Variants in MRPL48 observed in about 807,000 individuals in gnomAD.
MRPL48 encodes mitochondrial ribosomal protein L48.
Under a neutral mutation model 32.9 loss-of-function variants are expected in MRPL48, and 16 were observed. The ratio of observed to expected loss-of-function variants is 0.49; its 90% CI spans 0.33 to 0.74. MRPL48 has a LOEUF of 0.74. Among genes scored for constraint, MRPL48 ranks in the 30% least tolerant of loss-of-function variants. MRPL48 has a pLI of 0.02. For missense variants in MRPL48, 206 were observed against 245.3 expected, an observed-to-expected ratio of 0.84 and a Z score of 1.07; for synonymous variants, 94 against 89.2, an observed-to-expected ratio of 1.05 and a Z score of -0.31.
intron 3 of MRPL48, among the ~76,000 whole-genome samples, chr11:73,810,626 G>GGT (rs1164003720): frequency 1.1e-4 from 17 of 149,744 alleles, no homozygotes; most frequent in African/African-American, 4.0e-4. Flanking sequence ...TTGTTACATA[G>GGT]ATACACGTGC....
intron 3 of MRPL48, among the ~76,000 whole-genome samples, chr11:73,812,320 G>A (rs576524608): frequency 6.6e-6 from 1 of 152,116 alleles, no homozygotes; most frequent in Admixed American, 6.6e-5. Context: ...GGACATTTAG[G>A]TCGTTTTTAG....
chr11:73,817,932 G>A, intron 3 of MRPL48: 1 of 222,130 alleles, frequency 4.5e-6, no homozygotes, highest in South Asian at 5.1e-5. Context: ...AGCCTCTGGA[G>A]TAGCTGGGAT....
At position 73,822,609 on chromosome 11, in the gene MRPL48, A is replaced by G. The variant is rs779530253; in HGVS notation, c.113-3099A>G. Among the ~76,000 whole-genome samples, 5 of 152,316 alleles carry G rather than the reference A, an allele frequency of 3.3e-5. No homozygotes were observed. The Middle Eastern group carries it at 0.01, about 311-fold the overall frequency. ...GGAGAAGTTCTCTGAAGCCAGTACT[A>G]TCTCTGATAGGCCTCACACAGAGCA... On this transcript the variant is annotated intron_variant, in intron 3 of 7. Transcript: ENST00000310614.
chr11:73,815,019 TA>T (rs1488535254), intron 3 of MRPL48, among the ~76,000 whole-genome samples: 10 of 151,414 alleles, frequency 6.6e-5, no homozygotes, highest in African/African-American at 1.9e-4. Flanking sequence ...AATAAATAAA[TA>T]AAACAAAAAA....
At chr11:73,835,551 A>G (rs913636345) in intron 4 of MRPL48, among the ~76,000 whole-genome samples, 5 of 152,226 alleles carry the variant, frequency 3.3e-5, no homozygotes, top group African/African-American at 1.2e-4. Context: ...TATCTCCAAT[A>G]TATAGTAGTA....
intron 1 of MRPL48, among the ~76,000 whole-genome samples, chr11:73,789,687 A>T (rs1243248898): frequency 6.6e-6 from 1 of 152,222 alleles, no homozygotes; most frequent in East Asian, 1.9e-4. Context: ...AAACAGGAAT[A>T]TTTTGTAAGG....
intron 1 of MRPL48, among the ~76,000 whole-genome samples, chr11:73,788,480 T>C (rs1242580003): frequency 4.8e-5 from 7 of 146,518 alleles, no homozygotes; most frequent in East Asian, 3.9e-4. Context: ...TTCTTTTTTT[T>C]TTTTTTTTTT....
chr11:73,860,184 C>T (rs1385930913), intron 6 of MRPL48, 175 bp downstream of exon 6: 3 of 542,020 alleles, frequency 5.5e-6, no homozygotes, highest in Non-Finnish European at 6.6e-6. Flanking sequence ...TATGCAGTCT[C>T]ATTCATTCCT....
Position 73,864,285 on chromosome 11 carries a change from C to T in MRPL48, c.565-11C>T. 2 of 1,612,438 alleles carry T rather than the reference C, an allele frequency of 1.2e-6. No individual in the cohort carries two copies. Among genetic ancestry groups the T allele is most frequent in the Middle Eastern group, 1.6e-4 (1 of 6,062 alleles). On this transcript the variant is annotated splice_polypyrimidine_tract_variant and intron_variant, in intron 7 of 7. Transcript: ENST00000310614. ...AGTAATTACCGCTTATTTTCTTTTTCTTCTCCTTAGCACACTGAAGAAGAC... is the reference window on the plus strand; with the variant it reads ...AGTAATTACCGCTTATTTTCTTTTTTTTCTCCTTAGCACACTGAAGAAGAC...
chr11:73,818,640 G>A (rs1947717731), intron 3 of MRPL48, among the ~76,000 whole-genome samples: 1 of 152,260 alleles, frequency 6.6e-6, no homozygotes, highest in Non-Finnish European at 1.5e-5. Flanking sequence ...CTTACAGTCT[G>A]TTGAGTGGAG....
intron 4 of MRPL48, among the ~76,000 whole-genome samples, chr11:73,832,078 T>G (rs1221579616): frequency 6.6e-6 from 1 of 152,156 alleles, no homozygotes; most frequent in Non-Finnish European, 1.5e-5. Flanking sequence ...AATGGCAGCT[T>G]AATAATCTGA....
chr11:73,863,095 G>T, intron 6 of MRPL48, 77 bp from the exon 7 acceptor site: 1 of 1,287,408 alleles, frequency 7.8e-7, no homozygotes, highest in South Asian at 1.3e-5. Context: ...GCTGGCATTT[G>T]AACCCATACC....
intron 5 of MRPL48, among the ~76,000 whole-genome samples, chr11:73,854,638 T>A (rs888442556): frequency 1.3e-5 from 2 of 152,310 alleles, no homozygotes; most frequent in African/African-American, 4.8e-5. Flanking sequence ...TTATTTTACA[T>A]CTGGCTAAGT....
chr11:73,823,738 A>G lies in MRPL48; in HGVS notation c.113-1970A>G, dbSNP rs1192263110. On this transcript the variant is annotated intron_variant, in intron 3 of 7. Transcript: ENST00000310614. Reference sequence around the variant, plus strand: ...AAGTGCAGCAGCTATTTGCACTACAACCTCAAACTCCTAGTCTCAAGCAAT... The same window carrying G: ...AAGTGCAGCAGCTATTTGCACTACAGCCTCAAACTCCTAGTCTCAAGCAAT... 2.0e-5 allele frequency among the ~76,000 whole-genome samples: 3 copies of G among 149,982 alleles called. No homozygotes were observed. The Admixed American group carries it at 2.0e-4, about 10-fold the overall frequency.
intron 1 of MRPL48, chr11:73,802,011 G>C (rs775063423): frequency 2.0e-5 from 3 of 152,160 alleles, no homozygotes; most frequent in Non-Finnish European, 4.4e-5. Flanking sequence ...GTGATGATAA[G>C]AGTTTTGGTG....
At chr11:73,861,423 G>A (rs1948582459) in intron 6 of MRPL48, among the ~76,000 whole-genome samples, 1 of 152,146 alleles carries the variant, frequency 6.6e-6, no homozygotes, top group Admixed American at 6.6e-5. Flanking sequence ...AGGCTGGAAG[G>A]CAATGGTGCG....
chr11:73,830,518 G>T (rs146024541), intron 4 of MRPL48, among the ~76,000 whole-genome samples: 13 of 152,212 alleles, frequency 8.5e-5, no homozygotes, highest in Admixed American at 3.9e-4. Flanking sequence ...TGGGGAACTG[G>T]ACTAGTTAAA....
At chr11:73,817,078 C>T (rs1274337547) in intron 3 of MRPL48, among the ~76,000 whole-genome samples, 2 of 151,926 alleles carry the variant, frequency 1.3e-5, no homozygotes, top group African/African-American at 2.4e-5. Context: ...GTGGTTCACC[C>T]GCTTGGGCCT....
chr11:73,790,408 A>C (rs1947129672), intron 1 of MRPL48, among the ~76,000 whole-genome samples: 1 of 69,274 alleles, frequency 1.4e-5, no homozygotes, highest in Non-Finnish European at 2.6e-5. Flanking sequence ...TTTTTGAGAC[A>C]GCGTTTCGCT....
Sources: gnomAD v4.1 joint callset for allele counts (sites outside exome capture counted in the v4.1 genomes callset) on GRCh38, gnomAD v4.1.1 for gene constraint, MANE v1.5 for transcripts, NCBI Gene and HGNC (gene_info 2026-07-23, HGNC 2026-07-21) for gene names.